IL1RAPL1: variants seen among roughly 807,000 people sequenced by gnomAD.
The protein encoded by IL1RAPL1 is interleukin-1 receptor accessory protein-like 1.
In IL1RAPL1, 3 loss-of-function variants were observed where a neutral mutation model predicts 48.4. The observed-to-expected ratio is 0.06, with a 90% CI of 0.03 to 0.16. The LOEUF is 0.16. IL1RAPL1 is among the 10% of genes least tolerant of loss of function. IL1RAPL1 has a pLI of 1.00. For missense variants in IL1RAPL1, 349 were observed against 530.6 expected, an observed-to-expected ratio of 0.66 and a Z score of 3.36; for synonymous variants, 185 against 187.7, an observed-to-expected ratio of 0.99 and a Z score of 0.12.
At chrX:28,923,967 A>C (rs189011858) in intron 2 of IL1RAPL1, 33 of 111,379 alleles carry the variant, frequency 3.0e-4, no homozygotes, top group African/African-American at 1.0e-3. Flanking sequence ...CACTGTTCCT[A>C]TTATGGATTT....
At chrX:29,000,832 T>C (rs1473210481) in intron 2 of IL1RAPL1, among the ~76,000 whole-genome samples, 1 of 62,261 alleles carries the variant, frequency 1.6e-5, no homozygotes, top group Non-Finnish European at 2.6e-5. Context: ...AGTATAACTC[T>C]TTTTTTTTTT....
At chrX:29,679,724 A>G (rs1229980498) in intron 6 of IL1RAPL1, among the ~76,000 whole-genome samples, 1 of 112,195 alleles carries the variant, frequency 8.9e-6, no homozygotes, top group Non-Finnish European at 1.9e-5. Flanking sequence ...GCTACTAATT[A>G]CAGAGTGAGA....
chrX:29,913,957 G>T (rs917753305), intron 6 of IL1RAPL1, among the ~76,000 whole-genome samples: 1 of 111,860 alleles, frequency 8.9e-6, no homozygotes, highest in Non-Finnish European at 1.9e-5. Flanking sequence ...AAAGCTCCCA[G>T]GCTTTTTCTC....
intron 2 of IL1RAPL1, among the ~76,000 whole-genome samples, chrX:29,231,367 G>T (rs778312986): frequency 2.5e-4 from 28 of 111,535 alleles, no homozygotes; most frequent in Non-Finnish European, 4.5e-4. Context: ...CACCCACCCC[G>T]CTGAGTTCGC....
At chrX:29,810,311 T>C (rs1174301847) in intron 6 of IL1RAPL1, among the ~76,000 whole-genome samples, 1 of 110,558 alleles carries the variant, frequency 9.0e-6, no homozygotes, top group Non-Finnish European at 1.9e-5. Context: ...TGCCTCAGCC[T>C]CCCGAGTAGC....
At chrX:29,615,056 T>C (rs1924243454) in intron 5 of IL1RAPL1, among the ~76,000 whole-genome samples, 1 of 112,214 alleles carries the variant, frequency 8.9e-6, no homozygotes, top group African/African-American at 3.2e-5. Context: ...TATAGACATG[T>C]ACCCAAAGGT....
chrX:29,083,327 A>C (rs1210614896), intron 2 of IL1RAPL1, among the ~76,000 whole-genome samples: 2 of 112,061 alleles, frequency 1.8e-5, no homozygotes, highest in Non-Finnish European at 3.8e-5. Context: ...TCACATCAGC[A>C]AGCTATGATA....
intron 2 of IL1RAPL1, among the ~76,000 whole-genome samples, chrX:28,789,766 T>C: frequency 8.9e-6 from 1 of 112,308 alleles, no homozygotes; most frequent in African/African-American, 3.2e-5. Context: ...GTATCTTTGA[T>C]GTTAACTTTT....
At position 29,823,618 on chromosome X, in the gene IL1RAPL1, C is replaced by T. The variant is rs199765557; in HGVS notation, c.779-93846C>T. The stretch of plus-strand genomic sequence containing the variant: ...TTAGGCAATTCATGTATAAGACTTT[C>T]TATAAAATAATTAGTTTCTAAAGGG... On this transcript the variant is annotated intron_variant, in intron 6 of 10. Coordinates refer to ENST00000378993, the MANE Select transcript of IL1RAPL1 (RefSeq NM_014271.4). Among the ~76,000 whole-genome samples the T allele has an allele frequency of 6.3e-5, 7 of 111,953 alleles. No homozygotes were observed. In the East Asian group the frequency reaches 1.4e-3, roughly 22 times the overall value.
intron 2 of IL1RAPL1, among the ~76,000 whole-genome samples, chrX:28,873,970 TAAAA>T (rs59999767): frequency 2.6e-5 from 2 of 76,907 alleles, no homozygotes; most frequent in African/African-American, 9.2e-5. Context: ...GCTTCTCCAG[TAAAA>T]AAAAAAAAAA....
rs776942074 is a variant in IL1RAPL1, at chrX:28,939,028, AAAAT to A, written c.82+149606_82+149609del. Among the ~76,000 whole-genome samples, 129 of 109,570 alleles carry A rather than the reference AAAAT, an allele frequency of 1.2e-3. 1 individual carries two copies. The highest frequency in any genetic ancestry group is 4.1e-3 in the African/African-American group (123 of 30,368). On this transcript the variant is annotated intron_variant, in intron 2 of 10. Coordinates refer to ENST00000378993, the MANE Select transcript of IL1RAPL1 (RefSeq NM_014271.4). The stretch of plus-strand genomic sequence containing the variant: ...ATTATTAATAAACAGTAAAAAAAAA[AAAAT>A]AACAGATGCTGGCTGGTTGTAGAGA...
At chrX:29,796,403 C>G (rs1403371590) in intron 6 of IL1RAPL1, among the ~76,000 whole-genome samples, 1 of 111,977 alleles carries the variant, frequency 8.9e-6, no homozygotes, top group East Asian at 2.8e-4. Flanking sequence ...ACATTCAAAG[C>G]AAAAATAATG....
intron 2 of IL1RAPL1, among the ~76,000 whole-genome samples, chrX:28,987,361 G>T (rs1324333313): frequency 8.9e-6 from 1 of 112,245 alleles, no homozygotes; most frequent in Non-Finnish European, 1.9e-5. Context: ...TGAATGCTTT[G>T]TTCTTTGTGA....
chrX:28,663,775 C>T (rs1478638870), intron 1 of IL1RAPL1, among the ~76,000 whole-genome samples: 2 of 111,928 alleles, frequency 1.8e-5, no homozygotes. Context: ...TTTGAAGCTA[C>T]ACAATAGATG....
At chrX:28,884,541 G>A (rs894489948) in intron 2 of IL1RAPL1, among the ~76,000 whole-genome samples, 1 of 111,825 alleles carries the variant, frequency 8.9e-6, no homozygotes, top group African/African-American at 3.2e-5. Context: ...GAAGGACATA[G>A]ACTGTCTGTC....
At chrX:28,627,368 T>C (rs937420249) in intron 1 of IL1RAPL1, among the ~76,000 whole-genome samples, 1 of 111,897 alleles carries the variant, frequency 8.9e-6, no homozygotes, top group Admixed American at 9.5e-5. Flanking sequence ...GTTCTCCTCC[T>C]CTGTCGCTCG....
At chrX:29,483,991 C>G (rs1317409280) in intron 5 of IL1RAPL1, among the ~76,000 whole-genome samples, 3 of 92,462 alleles carry the variant, frequency 3.2e-5, no homozygotes, top group Admixed American at 2.3e-4. Context: ...CTGCACCTGG[C>G]CCAGTAGTCC....
At chrX:28,654,590 G>A (rs1270591879) in intron 1 of IL1RAPL1, among the ~76,000 whole-genome samples, 1 of 112,157 alleles carries the variant, frequency 8.9e-6, no homozygotes, top group East Asian at 2.8e-4. Flanking sequence ...AATGTGATTT[G>A]TGTTTGTCAA....
chrX:28,924,641 C>T (rs1923694258), intron 2 of IL1RAPL1, among the ~76,000 whole-genome samples: 1 of 111,385 alleles, frequency 9.0e-6, no homozygotes, highest in African/African-American at 3.3e-5. Context: ...TCAAAGAATA[C>T]ATGCCGAAAC....
Sources: gnomAD v4.1 joint callset for allele counts (sites outside exome capture counted in the v4.1 genomes callset) on GRCh38, gnomAD v4.1.1 for gene constraint, MANE v1.5 for transcripts, NCBI Gene and HGNC (gene_info 2026-07-23, HGNC 2026-07-21) for gene names.